EBF4: variants seen among roughly 807,000 people sequenced by gnomAD.
EBF4 encodes EBF transcription factor 4.
In EBF4, 34 loss-of-function variants were observed where a neutral mutation model predicts 67.1. The observed-to-expected ratio is 0.51, with a 90% confidence interval of 0.39 to 0.67. EBF4 has a LOEUF of 0.67. Among genes scored for constraint, EBF4 ranks in the 30% least tolerant of loss-of-function variants. The pLI is 0.00. For missense variants in EBF4, 837 were observed against 873.3 expected, an observed-to-expected ratio of 0.96 and a Z score of 0.52; for synonymous variants, 387 against 377.7, an observed-to-expected ratio of 1.02 and a Z score of -0.29.
At chr20:2,746,119 G>A (rs1222480688) in intron 6 of EBF4, among the ~76,000 whole-genome samples, 2 of 152,150 alleles carry the variant, frequency 1.3e-5, no homozygotes, top group Non-Finnish European at 2.9e-5. Context: ...GTGGGGCATG[G>A]ATGAGGAACA....
chr20:2,741,706 G>A (rs940716485), intron 6 of EBF4, among the ~76,000 whole-genome samples: 4 of 152,090 alleles, frequency 2.6e-5, no homozygotes, highest in African/African-American at 9.7e-5. Context: ...TTAAGTCACA[G>A]GCATCAGAGT....
At position 2,745,685 on chromosome 20, in the gene EBF4, G is replaced by A. The variant is rs867873338; in HGVS notation, c.558-2864G>A. Among the ~76,000 whole-genome samples the A allele has an allele frequency of 5.3e-5, 8 of 152,330 alleles. No individual in the cohort carries two copies. Among genetic ancestry groups the A allele is most frequent in the Admixed American group, 1.3e-4 (2 of 15,298 alleles). On this transcript the variant is annotated intron_variant, in intron 6 of 16. Coordinates refer to ENST00000609451, the Ensembl canonical transcript of EBF4. This position sits in a 1 kb window ranked among gnomAD's most constrained non-coding sequence, Gnocchi z 5.2. ...AGCAGGAAACCACAGCCTTGGGGAG[G>A]GCAGAAGTAAAGGATGTCCCAGAGG... is the stretch of plus-strand genomic sequence containing the variant.
intron 6 of EBF4, among the ~76,000 whole-genome samples, chr20:2,737,697 G>A (rs965710912): frequency 6.6e-6 from 1 of 151,952 alleles, no homozygotes; most frequent in Admixed American, 6.5e-5. Context: ...CAGGCCGGGC[G>A]CAGTGGCTCA....
intron 1 of EBF4, among the ~76,000 whole-genome samples, chr20:2,701,461 C>T (rs1234606831): frequency 6.6e-6 from 1 of 152,192 alleles, no homozygotes; most frequent in African/African-American, 2.4e-5. Context: ...GGGCTTATGC[C>T]AGACTTCCCA....
chr20:2,742,868 A>G (rs2087988348), intron 6 of EBF4, among the ~76,000 whole-genome samples: 1 of 152,144 alleles, frequency 6.6e-6, no homozygotes, highest in Admixed American at 6.5e-5. Context: ...CCCCTCAACA[A>G]AGTGCACATC....
intron 1 of EBF4, among the ~76,000 whole-genome samples, chr20:2,695,663 C>T (rs1321530641): frequency 3.3e-5 from 5 of 152,204 alleles, no homozygotes; most frequent in Non-Finnish European, 5.9e-5. Context: ...CCCCACTCTT[C>T]CCCGTGTTGT....
chr20:2,756,093 A>T lies in EBF4; in HGVS notation c.1738+269A>T, dbSNP rs1026841842. Among the ~76,000 whole-genome samples the T allele has an allele frequency of 6.6e-6, 1 of 152,152 alleles. No homozygotes were observed. The highest frequency in any genetic ancestry group is 1.9e-4 in the East Asian group (1 of 5,192). On this transcript the variant is annotated intron_variant, in intron 15 of 16. Transcript: ENST00000609451. The surrounding 1 kb of genome is among the most constrained non-coding windows in gnomAD (Gnocchi z 4.5). ...GGGGAAGAGACTCAAATCACAGTTG[A>T]TGAGGTCTAGAAACTACCCCAACAC... is the stretch of plus-strand genomic sequence containing the variant.
In EBF4 at chr20:2,756,152, C is replaced by A. The variant is rs527700473; in HGVS notation, c.1738+328C>A. 2.0e-5 allele frequency among the ~76,000 whole-genome samples: 3 copies of A among 152,356 alleles called. No homozygotes were observed. The highest frequency in any genetic ancestry group is 2.1e-4 in the South Asian group (1 of 4,832). ...CATCCAGCTGAGCCCAGAGCAAAGA[C>A]CCTCAGAGCTGGTGGGCTGCACGCC... is the stretch of plus-strand genomic sequence containing the variant. On this transcript the variant is annotated intron_variant, in intron 15 of 16. Coordinates refer to ENST00000609451, the Ensembl canonical transcript of EBF4. This position sits in a 1 kb window ranked among gnomAD's most constrained non-coding sequence, Gnocchi z 4.5.
intron 6 of EBF4, among the ~76,000 whole-genome samples, chr20:2,724,206 A>T (rs2087720164): frequency 6.6e-6 from 1 of 152,212 alleles, no homozygotes. Flanking sequence ...AATCAACAAC[A>T]CTATAAATCA....
chr20:2,749,592 C>T (rs1274816751), intron 8 of EBF4, 28 bp from the exon 9 acceptor site: 6 of 1,550,166 alleles, frequency 3.9e-6, no homozygotes, highest in Non-Finnish European at 5.2e-6. Context: ...GCGCGGTCCC[C>T]TGACCTGGGT....
At position 2,752,675 on chromosome 20, in the gene EBF4, G is replaced by T. The variant is rs540130368; in HGVS notation, c.1540+130G>T. The T allele has an allele frequency of 2.8e-3, 2,320 of 821,332 alleles. 16 individuals carry two copies. The highest frequency in any genetic ancestry group is 2.5e-3 in the Non-Finnish European group (1,563 of 615,952). 50.9% of individuals were successfully genotyped at this position (821,332 alleles called of 1,614,324 possible). ...GAGTCGACCCTGGCTCAGCCCTCGGGGTCAGGCCCACCGTCCCCGCCTGGG... is the reference window on the plus strand; with the variant it reads ...GAGTCGACCCTGGCTCAGCCCTCGGTGTCAGGCCCACCGTCCCCGCCTGGG... On this transcript the variant is annotated intron_variant, in intron 14 of 16. Coordinates refer to ENST00000609451, the Ensembl canonical transcript of EBF4.
At chr20:2,741,268 CA>C (rs1181849669) in intron 6 of EBF4, among the ~76,000 whole-genome samples, 1 of 152,046 alleles carries the variant, frequency 6.6e-6, no homozygotes, top group Non-Finnish European at 1.5e-5. Flanking sequence ...GCCAAGATCA[CA>C]CCACTGCACT....
At position 2,705,750 on chromosome 20, in the gene EBF4, C is replaced by T. The variant is rs1474404756; in HGVS notation, c.294+17C>T. 1.5e-5 allele frequency: 23 copies of T among 1,534,784 alleles called. No homozygotes were observed. The highest frequency in any genetic ancestry group is 2.0e-5 in the Non-Finnish European group (23 of 1,137,574). On this transcript the variant is annotated intron_variant, in intron 2 of 16. Coordinates refer to ENST00000609451, the Ensembl canonical transcript of EBF4. ...AAGGACCGAGTGAGAGGCTCATGGGCTTGGCTGGGACTGGCCCCGGGAGGG... is the reference window on the plus strand; with the variant it reads ...AAGGACCGAGTGAGAGGCTCATGGGTTTGGCTGGGACTGGCCCCGGGAGGG...
chr20:2,750,226 C>A (rs1040660430), intron 10 of EBF4, among the ~76,000 whole-genome samples: 3 of 152,150 alleles, frequency 2.0e-5, no homozygotes, highest in Non-Finnish European at 4.4e-5. Flanking sequence ...AAGTCCCCCC[C>A]ACAACCAACA....
chr20:2,737,528 A>G (rs1276024258), intron 6 of EBF4, among the ~76,000 whole-genome samples: 1 of 152,086 alleles, frequency 6.6e-6, no homozygotes, highest in African/African-American at 2.4e-5. Context: ...GCCTCCTGTG[A>G]TTCTGGGAAG....
chr20:2,748,362 G>A (rs2088084226), intron 6 of EBF4, among the ~76,000 whole-genome samples, 187 bp from the exon 7 acceptor site: 1 of 152,068 alleles, frequency 6.6e-6, no homozygotes, highest in South Asian at 2.1e-4. Flanking sequence ...CATTGTGATG[G>A]GTCTGTCTGG....
intron 6 of EBF4, among the ~76,000 whole-genome samples, chr20:2,731,124 C>G (rs890170594): frequency 6.6e-6 from 1 of 152,102 alleles, no homozygotes; most frequent in African/African-American, 2.4e-5. Flanking sequence ...GTCTCAATCT[C>G]GTGACCTCGT....
At chr20:2,735,463 G>GCA (rs1286510143) in intron 6 of EBF4, among the ~76,000 whole-genome samples, 1 of 152,194 alleles carries the variant, frequency 6.6e-6, no homozygotes, top group African/African-American at 2.4e-5. Flanking sequence ...TTGAGTTGTT[G>GCA]CACACATGTT....
Position 2,751,314 on chromosome 20 carries a change from A to G in EBF4, c.1019-386A>G, listed in dbSNP as rs1030921288. 6.6e-6 allele frequency among the ~76,000 whole-genome samples: 1 copy of G among 152,132 alleles called. No homozygotes were observed. Among genetic ancestry groups the G allele is most frequent in the Non-Finnish European group, 1.5e-5 (1 of 68,030 alleles). The stretch of plus-strand genomic sequence containing the variant: ...GAGATTGTTAAGTTTTTTCTTTTTT[A>G]TAATAAACTCCTGATTTGACCAGAT... On this transcript the variant is annotated intron_variant, in intron 10 of 16. Transcript: ENST00000609451. This position sits in a 1 kb window ranked among gnomAD's most constrained non-coding sequence, Gnocchi z 5.2.
Sources: gnomAD v4.1 joint callset for allele counts (sites outside exome capture counted in the v4.1 genomes callset) on GRCh38, gnomAD v4.1.1 for gene constraint, Gnocchi (gnomAD v3.1) non-coding constraint, MANE v1.5 for transcripts, NCBI Gene and HGNC (gene_info 2026-07-23, HGNC 2026-07-21) for gene names.